The following ACTL8 variants were observed in gnomAD, a reference collection of about 807,000 sequenced individuals.
The protein encoded by ACTL8 is actin-like protein 8.
A neutral mutation model predicts 9.3 loss-of-function variants in ACTL8; 3 were observed. That is an observed-to-expected ratio of 0.32 (90% CI 0.15 to 0.83). The LOEUF (loss-of-function observed/expected upper bound fraction) is 0.83, where lower values mean the gene tolerates loss of function less well. ACTL8 is among the 40% of genes least tolerant of loss of function. ACTL8 has a pLI of 0.57. For synonymous variants in ACTL8, 224 were observed against 205.9 expected (o/e 1.09, Z -0.75); for missense variants, 381 against 492.2 (o/e 0.77, Z 2.14).
intron 1 of ACTL8, among the ~76,000 whole-genome samples, chr1:17,762,903 C>T (rs1367677543): frequency 2.6e-5 from 4 of 152,144 alleles, no homozygotes; most frequent in African/African-American, 9.7e-5. Context: ...GGTGGTAGGG[C>T]TGCCTGGTGG....
chr1:17,765,538 A>T (rs1237871300), intron 1 of ACTL8, among the ~76,000 whole-genome samples: 1 of 152,178 alleles, frequency 6.6e-6, no homozygotes, highest in Admixed American at 6.6e-5. Flanking sequence ...TAACGTGCCC[A>T]AGCCCCTCTC....
chr1:17,794,387 A>G (rs1460103367), intron 1 of ACTL8, among the ~76,000 whole-genome samples: 1 of 152,212 alleles, frequency 6.6e-6, no homozygotes, highest in Non-Finnish European at 1.5e-5. Context: ...TACATTGTAT[A>G]CCATAAGACT....
chr1:17,773,520 C>A (rs77217221), intron 1 of ACTL8, among the ~76,000 whole-genome samples: 1 of 152,210 alleles, frequency 6.6e-6, no homozygotes, highest in Non-Finnish European at 1.5e-5. Flanking sequence ...TACCCTTATG[C>A]GTTTATTTAT....
intron 1 of ACTL8, among the ~76,000 whole-genome samples, chr1:17,768,246 G>C (rs1056061487): frequency 1.1e-5 from 1 of 94,644 alleles, no homozygotes; most frequent in Non-Finnish European, 2.6e-5. Flanking sequence ...ACCAGGATGG[G>C]TGGCTCCAGC....
intron 1 of ACTL8, among the ~76,000 whole-genome samples, chr1:17,794,917 G>GGT (rs1270049709): frequency 6.6e-6 from 1 of 152,190 alleles, no homozygotes; most frequent in Non-Finnish European, 1.5e-5. Flanking sequence ...TGGATGCTGA[G>GGT]GTGTGTGGTA....
chr1:17,799,545 T>A (rs2066305597), intron 1 of ACTL8, among the ~76,000 whole-genome samples: 1 of 152,124 alleles, frequency 6.6e-6, no homozygotes, highest in Admixed American at 6.5e-5. Context: ...GATATGTTTG[T>A]CTTAAAGGTG....
intron 1 of ACTL8, among the ~76,000 whole-genome samples, chr1:17,812,160 A>T (rs1319040720): frequency 6.6e-6 from 1 of 152,000 alleles, no homozygotes; most frequent in Admixed American, 6.6e-5. Flanking sequence ...ACCCAGCTCT[A>T]TCTTGATTAT....
At chr1:17,808,601 T>G (rs1171853849) in intron 1 of ACTL8, among the ~76,000 whole-genome samples, 1 of 152,242 alleles carries the variant, frequency 6.6e-6, no homozygotes, top group African/African-American at 2.4e-5. Flanking sequence ...TGGGTTTTTA[T>G]GCGGAGCAAA....
At chr1:17,759,668 T>A (rs1484827272) in intron 1 of ACTL8, among the ~76,000 whole-genome samples, 1 of 152,222 alleles carries the variant, frequency 6.6e-6, no homozygotes, top group Non-Finnish European at 1.5e-5. Context: ...GGGCACTCTG[T>A]CAGCTCAGGT....
intron 1 of ACTL8, among the ~76,000 whole-genome samples, chr1:17,786,590 CAG>C (rs1219632223): frequency 6.6e-6 from 1 of 152,100 alleles, no homozygotes; most frequent in Non-Finnish European, 1.5e-5. Context: ...GAATGGAGAA[CAG>C]GGGAGGAAAG....
intron 1 of ACTL8, among the ~76,000 whole-genome samples, chr1:17,771,113 T>C (rs181590839): frequency 2.6e-5 from 4 of 152,296 alleles, no homozygotes; most frequent in Admixed American, 2.0e-4. Flanking sequence ...TGTAAACATT[T>C]TGGGCTTTGT....
In ACTL8 at chr1:17,755,491, A is replaced by G. The variant is rs994344353; in HGVS notation, c.-38A>G. The stretch of plus-strand genomic sequence containing the variant: ...GAGAGCAGCTTTTGTGGCATCTTAC[A>G]GGGCAGATTTCTGGTACGTTCTAAA... On this transcript the variant is annotated 5_prime_UTR_variant, in exon 1 of 3. Transcript: ENST00000375406. The G allele has an allele frequency of 1.3e-5, 2 of 151,392 alleles. No homozygotes were observed. Among genetic ancestry groups the G allele is most frequent in the Non-Finnish European group, 1.5e-5 (1 of 67,978 alleles). The allele number at this position is 151,392 out of a possible 1,614,324, so 9.4% of individuals were successfully genotyped here.
At chr1:17,774,985 GAA>G (rs1247643725) in intron 1 of ACTL8, among the ~76,000 whole-genome samples, 1 of 152,152 alleles carries the variant, frequency 6.6e-6, no homozygotes, top group Non-Finnish European at 1.5e-5. Context: ...GTGGGCTCTG[GAA>G]TCTAGGTGAG....
At chr1:17,815,487 AT>A (rs527891088) in intron 1 of ACTL8, among the ~76,000 whole-genome samples, 103 of 146,896 alleles carry the variant, frequency 7.0e-4, no homozygotes, top group African/African-American at 1.7e-3. Flanking sequence ...TCTGGACTCC[AT>A]TTTTTTTTTC....
rs138142643 is a variant in ACTL8, at chr1:17,773,572, T to C, written c.-25+18068T>C. ...GCAGCTTTGTATCAGGATTGAGCAT[T>C]TCCAGAGTGCCCGGTTCTGTCCTAG... is the stretch of plus-strand genomic sequence containing the variant. On this transcript the variant is annotated intron_variant, in intron 1 of 2. Transcript: ENST00000375406. 4.7e-4 allele frequency among the ~76,000 whole-genome samples: 71 copies of C among 152,312 alleles called. 1 individual carries two copies. Among genetic ancestry groups the C allele is most frequent in the South Asian group, 3.9e-3 (19 of 4,816 alleles).
Position 17,823,097 on chromosome 1 carries a change from C to T in ACTL8, c.89C>T (p.Pro30Leu), listed in dbSNP as rs368004903. Residue 30 changes from proline (P) to leucine (L), a missense_variant, in exon 2 of 3, where the codon CCG becomes CTG. Around this residue, in one of 3 missense-constraint regions of ACTL8, gnomAD observed 125 missense variants for 180.7 expected, o/e 0.69. Coordinates refer to ENST00000375406, the MANE Select transcript of ACTL8 (RefSeq NM_030812.3). The surrounding 1 kb of genome is among the most constrained non-coding windows in gnomAD (Gnocchi z 5.3). Reference sequence around the variant, plus strand: ...TGGAATGAGCCTCAGATGGTCTTCCCGAACATCGTGAACTACCTACCGTGC... The same window carrying T: ...TGGAATGAGCCTCAGATGGTCTTCCTGAACATCGTGAACTACCTACCGTGC... ...AGWNEPQMVFPNIVNYLPCKE... is the reference protein window; with the variant it reads ...AGWNEPQMVFLNIVNYLPCKE... 1.2e-5 allele frequency: 20 copies of T among 1,614,080 alleles called. No homozygotes were observed. The highest frequency in any genetic ancestry group is 1.4e-5 in the Non-Finnish European group (17 of 1,180,054).
At chr1:17,781,230 T>C (rs2102683303) in intron 1 of ACTL8, among the ~76,000 whole-genome samples, 1 of 145,524 alleles carries the variant, frequency 6.9e-6, no homozygotes, top group East Asian at 2.0e-4. Context: ...TCAGGAACAT[T>C]TTCTTTCTTT....
At chr1:17,810,148 A>G (rs995990328) in intron 1 of ACTL8, among the ~76,000 whole-genome samples, 1 of 152,176 alleles carries the variant, frequency 6.6e-6, no homozygotes, top group African/African-American at 2.4e-5. Flanking sequence ...TTCAGAGCAG[A>G]GCTCTTCAAA....
chr1:17,758,151 C>T (rs2065979482), intron 1 of ACTL8, among the ~76,000 whole-genome samples: 1 of 152,200 alleles, frequency 6.6e-6, no homozygotes, highest in Non-Finnish European at 1.5e-5. Flanking sequence ...TAGAGGCTGC[C>T]TCCATTGAGA....
Sources: gnomAD v4.1 joint callset for allele counts (sites outside exome capture counted in the v4.1 genomes callset) on GRCh38, gnomAD v4.1.1 for gene constraint, gnomAD v4.1.1 regional missense constraint, Gnocchi (gnomAD v3.1) non-coding constraint, MANE v1.5 for transcripts, NCBI Gene and HGNC (gene_info 2026-07-23, HGNC 2026-07-21) for gene names.